The following FAM171A1 variants were observed in gnomAD, a reference collection of about 807,000 sequenced individuals.
The protein encoded by FAM171A1 is family with sequence similarity 171 member A1.
Under a neutral mutation model 74.9 loss-of-function variants are expected in FAM171A1, and 23 were observed. The ratio of observed to expected loss-of-function variants is 0.31; its 90% CI spans 0.22 to 0.44. The LOEUF (loss-of-function observed/expected upper bound fraction) is 0.44, where lower values mean the gene tolerates loss of function less well. FAM171A1 is among the 20% of genes least tolerant of loss of function. The pLI is 1.00. For synonymous variants in FAM171A1, 527 were observed against 505.7 expected (o/e 1.04, Z -0.57); for missense variants, 1,162 against 1,159.2 (o/e 1.00, Z -0.03).
In FAM171A1 at chr10:15,300,735, T is replaced by G. The variant is rs1338540470; in HGVS notation, c.98-16630A>C. Among the ~76,000 whole-genome samples the G allele has an allele frequency of 2.6e-5, 4 of 152,198 alleles. No individual in the cohort carries two copies. In the East Asian group the frequency reaches 7.7e-4, roughly 29 times the overall value. On this transcript the variant is annotated intron_variant, in intron 1 of 7. Transcript: ENST00000378116. ...TGGCTTACTGCTCTGAAGCAGAGTT[T>G]TCTCATCTGTAAGAAATGGGGTAGT...
At chr10:15,273,693 A>G (rs531254975) in intron 3 of FAM171A1, among the ~76,000 whole-genome samples, 41 of 152,320 alleles carry the variant, frequency 2.7e-4, no homozygotes, top group Admixed American at 7.8e-4. Flanking sequence ...ACCATGATCA[A>G]GTTGGCTTCA....
At chr10:15,246,472 A>G (rs1267855327) in intron 5 of FAM171A1, among the ~76,000 whole-genome samples, 1 of 152,222 alleles carries the variant, frequency 6.6e-6, no homozygotes, top group Non-Finnish European at 1.5e-5. Context: ...TCTCCCAATT[A>G]TCTTCATGCA....
chr10:15,336,038 T>C (rs559467778), intron 1 of FAM171A1, among the ~76,000 whole-genome samples: 4 of 152,178 alleles, frequency 2.6e-5, no homozygotes, highest in Non-Finnish European at 4.4e-5. Context: ...TAATACAGCA[T>C]GTGGTGTCAG....
chr10:15,288,847 A>G (rs1835070744), intron 1 of FAM171A1, among the ~76,000 whole-genome samples: 1 of 107,330 alleles, frequency 9.3e-6, no homozygotes, highest in South Asian at 3.3e-4. Context: ...TTTGAGACAG[A>G]GTCTCATTCT....
chr10:15,306,052 T>G (rs891188079), intron 1 of FAM171A1, among the ~76,000 whole-genome samples: 3 of 152,118 alleles, frequency 2.0e-5, no homozygotes, highest in African/African-American at 7.2e-5. Flanking sequence ...ATCGCACAAA[T>G]AGAGCATGAT....
At chr10:15,243,077 A>G (rs984742971) in intron 5 of FAM171A1, among the ~76,000 whole-genome samples, 2 of 152,214 alleles carry the variant, frequency 1.3e-5, no homozygotes, top group Non-Finnish European at 2.9e-5. Flanking sequence ...TCTCAAGTCA[A>G]GGAGTCCACA....
chr10:15,312,674 T>TGTGTG (rs1835376445), intron 1 of FAM171A1, among the ~76,000 whole-genome samples: 1 of 11,712 alleles, frequency 8.5e-5, no homozygotes, highest in African/African-American at 1.9e-4. Context: ...GCACTGTGTG[T>TGTGTG]TTTTTTTTTT....
chr10:15,371,842 A>C (rs1836154076), upstream of FAM171A1, among the ~76,000 whole-genome samples: 1 of 152,240 alleles, frequency 6.6e-6, no homozygotes, highest in East Asian at 1.9e-4. Flanking sequence ...ACAGCAAAGA[A>C]GACCCTCTTT....
intron 7 of FAM171A1, among the ~76,000 whole-genome samples, chr10:15,215,158 T>C (rs902434116): frequency 6.6e-6 from 1 of 152,324 alleles, no homozygotes; most frequent in East Asian, 1.9e-4. Context: ...CATTTTTCTA[T>C]GACTTAAAAA....
chr10:15,305,763 G>A (rs1164896581), intron 1 of FAM171A1, among the ~76,000 whole-genome samples: 1 of 151,330 alleles, frequency 6.6e-6, no homozygotes, highest in Non-Finnish European at 1.5e-5. Flanking sequence ...CAGGGAAGTG[G>A]TTAATTGTAC....
intron 1 of FAM171A1, among the ~76,000 whole-genome samples, chr10:15,367,701 C>A (rs1836082648): frequency 6.6e-6 from 1 of 152,198 alleles, no homozygotes; most frequent in Admixed American, 6.5e-5. Flanking sequence ...TCATTGTCTT[C>A]AAATGTTATA....
At chr10:15,292,462 AT>A (rs1747049226) in intron 1 of FAM171A1, among the ~76,000 whole-genome samples, 1 of 152,072 alleles carries the variant, frequency 6.6e-6, no homozygotes, top group African/African-American at 2.4e-5. Flanking sequence ...ATATTAGGTT[AT>A]ATTATTTCCC....
chr10:15,216,173 C>A, intron 6 of FAM171A1, 63 bp from the exon 7 acceptor site: 1 of 1,046,444 alleles, frequency 9.6e-7, no homozygotes, highest in South Asian at 1.6e-5. Context: ...AGGGATCATT[C>A]ATTGAGAACG....
intron 1 of FAM171A1, among the ~76,000 whole-genome samples, chr10:15,326,900 T>G (rs1488422715): frequency 6.6e-6 from 1 of 152,214 alleles, no homozygotes; most frequent in Non-Finnish European, 1.5e-5. Flanking sequence ...AGGGCTGGGA[T>G]TACAGGCGTG....
At chr10:15,292,493 T>C (rs1835114014) in intron 1 of FAM171A1, among the ~76,000 whole-genome samples, 1 of 152,184 alleles carries the variant, frequency 6.6e-6, no homozygotes, top group Non-Finnish European at 1.5e-5. Context: ...TTTGCTGTTG[T>C]TTTTTGAGAC....
intron 5 of FAM171A1, among the ~76,000 whole-genome samples, chr10:15,221,504 G>A (rs1309796489): frequency 1.3e-5 from 2 of 152,152 alleles, no homozygotes; most frequent in Admixed American, 1.3e-4. Context: ...GAATTACCTA[G>A]GGGTGTTTTG....
At chr10:15,322,099 C>T (rs1307529298) in intron 1 of FAM171A1, among the ~76,000 whole-genome samples, 1 of 152,214 alleles carries the variant, frequency 6.6e-6, no homozygotes, top group Non-Finnish European at 1.5e-5. Flanking sequence ...AGGCCCGATA[C>T]AAGCATGGGT....
At chr10:15,345,354 C>T (rs774588195) in intron 1 of FAM171A1, among the ~76,000 whole-genome samples, 73 of 152,114 alleles carry the variant, frequency 4.8e-4, no homozygotes, top group Non-Finnish European at 7.2e-4. Context: ...ATCACTGTGC[C>T]GTTCCATAAA....
In FAM171A1 at chr10:15,352,865, G is replaced by A. The variant is rs570778972; in HGVS notation, c.97+18091C>T. On this transcript the variant is annotated intron_variant, in intron 1 of 7. Transcript: ENST00000378116. ...ATGTAATCTTTAGGTTTAGAGTAAA[G>A]GGAAGCAAACGTATCCATAAAACTA... Among the ~76,000 whole-genome samples the A allele has an allele frequency of 3.3e-5, 5 of 152,312 alleles. No individual in the cohort carries two copies. In the South Asian group the frequency reaches 1.0e-3, roughly 32 times the overall value.
Sources: allele counts gnomAD v4.1 joint callset (sites outside exome capture counted in the v4.1 genomes callset), GRCh38; gene constraint gnomAD v4.1.1; transcripts MANE v1.5; gene names NCBI Gene and HGNC (gene_info 2026-07-23, HGNC 2026-07-21).